The following TNS3 variants were observed in gnomAD, a reference collection of about 807,000 sequenced individuals.
TNS3 encodes tensin 3.
A neutral mutation model predicts 140.9 loss-of-function variants in TNS3; 45 were observed. The ratio of observed to expected loss-of-function variants is 0.32; its 90% confidence interval spans 0.25 to 0.41. The LOEUF (loss-of-function observed/expected upper bound fraction) is 0.41, where lower values mean the gene tolerates loss of function less well. Among genes scored for constraint, TNS3 ranks in the 10% least tolerant of loss-of-function variants. The pLI is 1.00. For missense variants in TNS3, 1,716 were observed against 1,906.7 expected (o/e 0.90, Z 1.86); for synonymous variants, 815 against 788.4 (o/e 1.03, Z -0.56).
chr7:47,435,759 C>G (rs551296126), intron 7 of TNS3, among the ~76,000 whole-genome samples: 1 of 152,326 alleles, frequency 6.6e-6, no homozygotes, highest in South Asian at 2.1e-4. Flanking sequence ...CTGCCAAAAT[C>G]TCCCCACTCG....
intron 15 of TNS3, among the ~76,000 whole-genome samples, chr7:47,398,386 G>T (rs966306652): frequency 1.3e-5 from 2 of 151,822 alleles, no homozygotes; most frequent in African/African-American, 4.8e-5. Flanking sequence ...GAAAATCACA[G>T]ACAAATATCC....
chr7:47,494,670 C>CA (rs552306630), intron 3 of TNS3, among the ~76,000 whole-genome samples: 38 of 152,160 alleles, frequency 2.5e-4, no homozygotes, highest in Admixed American at 2.4e-3. Context: ...GGTGCACAGA[C>CA]ACACACACAG....
In TNS3 at chr7:47,381,716, C is replaced by A. The variant is rs377413738; in HGVS notation, c.1025-12095G>T. Among the ~76,000 whole-genome samples the A allele has an allele frequency of 7.3e-4, 111 of 152,306 alleles. 2 individuals carry two copies. The South Asian group carries it at 0.023, about 31-fold the overall frequency. ...TCGCTTACAGGAGGTTAAGGTAAAACTCAGCGCACCCTTGGGAGAAACAAT... is the reference window on the plus strand; with the variant it reads ...TCGCTTACAGGAGGTTAAGGTAAAAATCAGCGCACCCTTGGGAGAAACAAT... On this transcript the variant is annotated intron_variant, in intron 16 of 30. Transcript: ENST00000311160.
intron 1 of TNS3, among the ~76,000 whole-genome samples, chr7:47,558,935 G>A (rs1014003982): frequency 1.3e-5 from 2 of 152,314 alleles, no homozygotes; most frequent in African/African-American, 4.8e-5. Flanking sequence ...AAATCTCCCA[G>A]AGCCGAAATC....
Position 47,535,033 on chromosome 7 carries a change from C to A in TNS3, c.-264-5886G>T, listed in dbSNP as rs192067534. Among the ~76,000 whole-genome samples, 663 of 152,324 alleles carry A rather than the reference C, an allele frequency of 4.4e-3. 5 individuals carry two copies. Among genetic ancestry groups the A allele is most frequent in the Non-Finnish European group, 6.8e-3 (463 of 68,034 alleles). Reference sequence around the variant, plus strand: ...CTCTATTGCAATGCAGCAGCTGGTACGTACTTTTCACTCGTATTGCAGTTA... The same window carrying A: ...CTCTATTGCAATGCAGCAGCTGGTAAGTACTTTTCACTCGTATTGCAGTTA... On this transcript the variant is annotated intron_variant, in intron 1 of 30. Transcript: ENST00000311160.
chr7:47,439,675 G>C lies in TNS3; in HGVS notation c.-22-17C>G. On this transcript the variant is annotated splice_polypyrimidine_tract_variant and intron_variant, in intron 5 of 30. Coordinates refer to ENST00000311160, the MANE Select transcript of TNS3 (RefSeq NM_022748.12). The stretch of plus-strand genomic sequence containing the variant: ...ATGACGGGCCTGCGAGAGAGCAGTG[G>C]GCAGATCAGAAACAGGGTAAGGAGG... The C allele has an allele frequency of 6.2e-7, 1 of 1,612,566 alleles. No homozygotes were observed. Among genetic ancestry groups the C allele is most frequent in the Non-Finnish European group, 8.5e-7 (1 of 1,179,378 alleles).
At chr7:47,340,580 T>C (rs1165816652) in intron 20 of TNS3, among the ~76,000 whole-genome samples, 1 of 148,290 alleles carries the variant, frequency 6.7e-6, no homozygotes, top group East Asian at 2.0e-4. Flanking sequence ...GATTTTCTTT[T>C]TTTTCTTTTT....
intron 4 of TNS3, among the ~76,000 whole-genome samples, chr7:47,463,586 A>C (rs1186695172): frequency 6.6e-6 from 1 of 152,190 alleles, no homozygotes; most frequent in Non-Finnish European, 1.5e-5. Context: ...TGGACATCAC[A>C]TCAGCACTAC....
intron 3 of TNS3, among the ~76,000 whole-genome samples, chr7:47,499,721 C>T (rs1274409077): frequency 1.3e-5 from 2 of 152,230 alleles, no homozygotes; most frequent in East Asian, 1.9e-4. Flanking sequence ...GAGAGAGAAG[C>T]GCGGCACAGA....
chr7:47,441,443 T>TG lies in TNS3; in HGVS notation c.-23+559dup, dbSNP rs1795461265. 2.6e-5 allele frequency among the ~76,000 whole-genome samples: 4 copies of TG among 152,354 alleles called. No individual in the cohort carries two copies. In the South Asian group the frequency reaches 8.3e-4, roughly 32 times the overall value. Reference sequence around the variant, plus strand: ...TCCCCACCTCAGCCTCCCAAAGTGCTGGGATTACAAGTGTGAGCCACTGTG... The same window carrying TG: ...TCCCCACCTCAGCCTCCCAAAGTGCTGGGGATTACAAGTGTGAGCCACTGTG... On this transcript the variant is annotated intron_variant, in intron 5 of 30. Coordinates refer to ENST00000311160, the MANE Select transcript of TNS3 (RefSeq NM_022748.12).
intron 20 of TNS3, among the ~76,000 whole-genome samples, chr7:47,325,372 C>T (rs1368113475): frequency 6.6e-6 from 1 of 152,146 alleles, no homozygotes; most frequent in South Asian, 2.1e-4. Context: ...GACCCGGTAC[C>T]CACCTGCCTT....
intron 1 of TNS3, among the ~76,000 whole-genome samples, chr7:47,566,987 C>A (rs1800442818): frequency 7.2e-6 from 1 of 138,286 alleles, no homozygotes; most frequent in African/African-American, 2.7e-5. Flanking sequence ...GCCAAGATGG[C>A]ACCACTACAC....
At chr7:47,281,636 C>G (rs1458152174) in intron 28 of TNS3, among the ~76,000 whole-genome samples, 2 of 152,126 alleles carry the variant, frequency 1.3e-5, no homozygotes, top group African/African-American at 2.4e-5. Flanking sequence ...AGTCTGAACT[C>G]AAACGCTATC....
intron 17 of TNS3, among the ~76,000 whole-genome samples, chr7:47,363,582 G>A (rs1377275467): frequency 1.3e-5 from 2 of 152,224 alleles, no homozygotes; most frequent in East Asian, 3.8e-4. Context: ...AGGTCTCTGT[G>A]ACAAACCTTC....
rs527908837 is a variant in TNS3, at chr7:47,552,307, TAAC to T, written c.-264-23163_-264-23161del. On this transcript the variant is annotated intron_variant, in intron 1 of 30. Transcript: ENST00000311160. ...TTGCCTGGAGAAACAAGAAGAAAAATAACAACAAAAAATCACTCTCTGCCTCCG... is the reference window on the plus strand; with the variant it reads ...TTGCCTGGAGAAACAAGAAGAAAAATAACAAAAAATCACTCTCTGCCTCCG... Among the ~76,000 whole-genome samples, 434 of 152,118 alleles carry T rather than the reference TAAC, an allele frequency of 2.9e-3. 4 individuals are homozygous for T. The Middle Eastern group carries it at 0.048, about 17-fold the overall frequency.
chr7:47,420,570 T>G (rs541388366), intron 10 of TNS3, among the ~76,000 whole-genome samples: 40 of 152,268 alleles, frequency 2.6e-4, no homozygotes, highest in African/African-American at 9.6e-4. Flanking sequence ...CACTATGCAT[T>G]CGGGCAGCCC....
At chr7:47,359,407 G>A (rs1790191294) in intron 17 of TNS3, among the ~76,000 whole-genome samples, 1 of 152,218 alleles carries the variant, frequency 6.6e-6, no homozygotes, top group South Asian at 2.1e-4. Context: ...TGGACAGGAA[G>A]TGACTTCAGG....
At chr7:47,389,794 G>C (rs1448122586) in intron 16 of TNS3, among the ~76,000 whole-genome samples, 1 of 152,208 alleles carries the variant, frequency 6.6e-6, no homozygotes, top group Non-Finnish European at 1.5e-5. Flanking sequence ...GGGGTCCTTT[G>C]GTGTTTGTGG....
chr7:47,532,528 AC>A (rs1450235975), intron 1 of TNS3, among the ~76,000 whole-genome samples: 1 of 151,990 alleles, frequency 6.6e-6, no homozygotes, highest in African/African-American at 2.4e-5. Flanking sequence ...GAGAGGAACT[AC>A]CCTCTCCAGG....
Sources: gnomAD v4.1 joint callset for allele counts (sites outside exome capture counted in the v4.1 genomes callset) on GRCh38, gnomAD v4.1.1 for gene constraint, MANE v1.5 for transcripts, NCBI Gene and HGNC (gene_info 2026-07-23, HGNC 2026-07-21) for gene names.